CDH20: variants seen among roughly 807,000 people sequenced by gnomAD.
The protein encoded by CDH20 is cadherin 20, also known as cadherin-20.
Under a neutral mutation model 74.2 loss-of-function variants are expected in CDH20, and 29 were observed. That is an observed-to-expected ratio of 0.39 (90% CI 0.29 to 0.53). The LOEUF is 0.53. Ranked by LOEUF, CDH20 falls within the 20% of genes least tolerant of loss-of-function variation. The probability of loss-of-function intolerance (pLI) is 0.69; values close to 1 mark genes in which losing one functional copy is unlikely to be tolerated. For synonymous variants in CDH20, 469 were observed against 405.4 expected (o/e 1.16, Z -1.88); for missense variants, 988 against 1,048.3 (o/e 0.94, Z 0.79).
At chr18:61,361,316 T>C (rs1177181890) in intron 1 of CDH20, among the ~76,000 whole-genome samples, 2 of 152,220 alleles carry the variant, frequency 1.3e-5, no homozygotes, top group African/African-American at 2.4e-5. Flanking sequence ...AAAGAAACTT[T>C]AACATGAGGT....
chr18:61,474,891 G>A (rs1415633973), intron 1 of CDH20, among the ~76,000 whole-genome samples: 1 of 152,060 alleles, frequency 6.6e-6, no homozygotes, highest in African/African-American at 2.4e-5. Context: ...CTGTCTTCGA[G>A]CAAAAACATG....
intron 1 of CDH20, among the ~76,000 whole-genome samples, chr18:61,480,696 G>A (rs371266464): frequency 2.9e-4 from 44 of 152,270 alleles, no homozygotes; most frequent in African/African-American, 9.1e-4. Flanking sequence ...TCTTGGATCC[G>A]AAGATTTATT....
chr18:61,423,728 T>G (rs1480655432), intron 1 of CDH20, among the ~76,000 whole-genome samples: 1 of 152,222 alleles, frequency 6.6e-6, no homozygotes, highest in Non-Finnish European at 1.5e-5. Flanking sequence ...CAAAGCTTTT[T>G]GAACTCATTC....
Position 61,497,099 on chromosome 18 carries a change from AAAAG to A in CDH20, c.247-2063_247-2060del, listed in dbSNP as rs201120857. On this transcript the variant is annotated intron_variant, in intron 2 of 11. Transcript: ENST00000262717. Reference sequence around the variant, plus strand: ...TAGAAGATTTGGATTGTAAAAAAAAAAAAGAAAGAAAGAAAGAAAGAAAGAAAAA... The same window carrying A: ...TAGAAGATTTGGATTGTAAAAAAAAAAAAGAAAGAAAGAAAGAAAGAAAAA... Among the ~76,000 whole-genome samples, 701 of 139,676 alleles carry A rather than the reference AAAAG, an allele frequency of 5.0e-3. 8 individuals carry two copies. The highest frequency in any genetic ancestry group is 8.3e-3 in the African/African-American group (318 of 38,426). 91.6% of individuals were successfully genotyped at this position (139,676 alleles called of 152,430 possible).
At chr18:61,365,841 C>G (rs1307521257) in intron 1 of CDH20, among the ~76,000 whole-genome samples, 1 of 152,104 alleles carries the variant, frequency 6.6e-6, no homozygotes, top group East Asian at 1.9e-4. Flanking sequence ...TGGCCATACC[C>G]TAGCTATCAC....
intron 1 of CDH20, among the ~76,000 whole-genome samples, chr18:61,475,840 AC>A: frequency 6.6e-6 from 1 of 152,220 alleles, no homozygotes; most frequent in Non-Finnish European, 1.5e-5. Flanking sequence ...CTTTAGAGAC[AC>A]CTGTCACATC....
rs1316503888 is a variant in CDH20, at chr18:61,347,305, TATATATATATATATACAC to T, written c.-153+13480_-153+13497del. 2.9e-3 allele frequency among the ~76,000 whole-genome samples: 237 copies of T among 82,862 alleles called. 3 individuals are homozygous for T. The highest frequency in any genetic ancestry group is 0.013 in the African/African-American group (229 of 17,896). 54.4% of individuals were successfully genotyped at this position (82,862 alleles called of 152,430 possible). ...CTCTGCTAATATATATATATATATA[TATATATATATATATACAC>T]ACACACACACACACACACACACACA... On this transcript the variant is annotated intron_variant, in intron 1 of 11. Coordinates refer to ENST00000262717, the MANE Select transcript of CDH20 (RefSeq NM_031891.4).
At chr18:61,433,202 T>C (rs1294971407) in intron 1 of CDH20, among the ~76,000 whole-genome samples, 4 of 152,168 alleles carry the variant, frequency 2.6e-5, no homozygotes, top group African/African-American at 9.6e-5. Flanking sequence ...AGGTAATGTA[T>C]ATATATCACC....
chr18:61,498,786 C>A (rs1219601478), intron 2 of CDH20, among the ~76,000 whole-genome samples: 2 of 152,168 alleles, frequency 1.3e-5, no homozygotes, highest in African/African-American at 4.8e-5. Flanking sequence ...ACGGCAATTT[C>A]TTCATTTTAA....
At chr18:61,392,662 C>T (rs774028651) in intron 1 of CDH20, among the ~76,000 whole-genome samples, 5 of 151,894 alleles carry the variant, frequency 3.3e-5, no homozygotes, top group South Asian at 4.2e-4. Context: ...TAGAGACTGA[C>T]GTGATCAGAC....
intron 1 of CDH20, among the ~76,000 whole-genome samples, chr18:61,359,152 A>T (rs1449000647): frequency 6.6e-6 from 1 of 152,132 alleles, no homozygotes; most frequent in East Asian, 1.9e-4. Context: ...TTTGTTTCTG[A>T]TTCCAACTTG....
intron 9 of CDH20, among the ~76,000 whole-genome samples, chr18:61,544,375 G>A (rs538806593): frequency 6.6e-6 from 1 of 152,354 alleles, no homozygotes; most frequent in Non-Finnish European, 1.5e-5. Flanking sequence ...TAGACCCTCT[G>A]CCTTATCACA....
In CDH20 at chr18:61,527,977, T is replaced by C; in HGVS notation, c.1028T>C (p.Phe343Ser). ...GIITVKKPLS[F>S]ESKKSYTLKV... is the part of the protein sequence containing the mutation. ...GTCATTGCTTTTCAGCCCCTGAGTT[T>C]TGAAAGCAAGAAAAGCTACACCTTA... The change falls in exon 7 of 12, where the codon TTT becomes TCT. Residue 343 changes from phenylalanine (F) to serine (S), a missense_variant. Phe to Ser is a radical substitution (Grantham distance 155). Coordinates refer to ENST00000262717, the MANE Select transcript of CDH20 (RefSeq NM_031891.4). 1 of 1,614,108 alleles carries C rather than the reference T, an allele frequency of 6.2e-7. No homozygotes were observed. The highest frequency in any genetic ancestry group is 8.5e-7 in the Non-Finnish European group (1 of 1,179,972).
chr18:61,429,724 C>T (rs1007408120), intron 1 of CDH20, among the ~76,000 whole-genome samples: 1 of 152,202 alleles, frequency 6.6e-6, no homozygotes, highest in Non-Finnish European at 1.5e-5. Flanking sequence ...CGGCAATTCT[C>T]TCTAATTCCC....
chr18:61,534,914 G>C (rs1912768700), intron 7 of CDH20, among the ~76,000 whole-genome samples: 6 of 152,034 alleles, frequency 3.9e-5, no homozygotes, highest in Non-Finnish European at 7.4e-5. Context: ...ACATATGTGA[G>C]GTAATAGACA....
In CDH20 at chr18:61,430,070, C is replaced by CT. The variant is rs113973525; in HGVS notation, c.-152-60320dup. 1.4e-3 allele frequency among the ~76,000 whole-genome samples: 196 copies of CT among 142,012 alleles called. 2 individuals are homozygous for CT. The highest frequency in any genetic ancestry group is 3.2e-3 in the African/African-American group (126 of 38,876). The allele number at this position is 142,012 out of a possible 152,430, so 93.2% of individuals were successfully genotyped here. ...ACCAGAGTAGAATATCCACTCCTGG[C>CT]TTTTTTTTTTTTCATTGTCCCCTTA... is the stretch of plus-strand genomic sequence containing the variant. On this transcript the variant is annotated intron_variant, in intron 1 of 11. Coordinates refer to ENST00000262717, the MANE Select transcript of CDH20 (RefSeq NM_031891.4).
chr18:61,386,543 C>T (rs1911605870), intron 1 of CDH20, among the ~76,000 whole-genome samples: 1 of 152,136 alleles, frequency 6.6e-6, no homozygotes, highest in Non-Finnish European at 1.5e-5. Context: ...TTAAGACACC[C>T]TTTGGTGTAA....
intron 5 of CDH20, among the ~76,000 whole-genome samples, chr18:61,503,626 A>C (rs1230581214): frequency 6.6e-6 from 1 of 152,206 alleles, no homozygotes; most frequent in African/African-American, 2.4e-5. Context: ...GGTACCAAGC[A>C]CTTGCTTGGT....
intron 5 of CDH20, among the ~76,000 whole-genome samples, chr18:61,505,950 A>G: frequency 6.6e-6 from 1 of 152,306 alleles, no homozygotes; most frequent in East Asian, 1.9e-4. Flanking sequence ...CTTATGCCTA[A>G]TTAATCTAAT....
Sources: allele counts gnomAD v4.1 joint callset (sites outside exome capture counted in the v4.1 genomes callset), GRCh38; gene constraint gnomAD v4.1.1; transcripts MANE v1.5; gene names NCBI Gene and HGNC (gene_info 2026-07-23, HGNC 2026-07-21).